Variants in LMO1 observed in about 807,000 individuals in gnomAD.
LMO1 encodes LIM domain only 1.
In LMO1, 10 loss-of-function variants were observed where a neutral mutation model predicts 18.0. The observed-to-expected ratio is 0.55, with a 90% CI of 0.34 to 0.94. The LOEUF (loss-of-function observed/expected upper bound fraction) is 0.94, where lower values mean the gene tolerates loss of function less well. Ranked by LOEUF, LMO1 falls within the 40% of genes least tolerant of loss-of-function variation. The pLI, the probability that LMO1 is intolerant of heterozygous loss-of-function variation, is 0.02. For synonymous variants in LMO1, 77 were observed against 77.9 expected (o/e 0.99, Z 0.06); for missense variants, 183 against 205.7 (o/e 0.89, Z 0.68).
intron 1 of LMO1, among the ~76,000 whole-genome samples, chr11:8,254,431 CA>C (rs905825042): frequency 6.6e-6 from 1 of 152,222 alleles, no homozygotes; most frequent in African/African-American, 2.4e-5. Flanking sequence ...GCCCACTTAC[CA>C]CCCCATTTTG....
At chr11:8,238,423 G>A (rs1205598259) in intron 1 of LMO1, among the ~76,000 whole-genome samples, 2 of 152,212 alleles carry the variant, frequency 1.3e-5, no homozygotes, top group African/African-American at 2.4e-5. Context: ...TGTAATCCCA[G>A]CACTTTGGGA....
In LMO1 at chr11:8,263,691, G is replaced by C; in HGVS notation, c.-329C>G. 2 of 1,198,212 alleles carry C rather than the reference G, an allele frequency of 1.7e-6. No homozygotes were observed. Among genetic ancestry groups the C allele is most frequent in the Non-Finnish European group, 2.1e-6 (2 of 956,006 alleles). 74.2% of individuals were successfully genotyped at this position (1,198,212 alleles called of 1,614,324 possible). On this transcript the variant is annotated 5_prime_UTR_variant, in exon 1 of 4. Coordinates refer to ENST00000335790, the MANE Select transcript of LMO1 (RefSeq NM_002315.3). Reference sequence around the variant, plus strand: ...TCTCACCTTCTAAATGGCTCAATTTGCCCAGTATAATCTGTCTTAATGTAA... The same window carrying C: ...TCTCACCTTCTAAATGGCTCAATTTCCCCAGTATAATCTGTCTTAATGTAA...
chr11:8,244,476 G>C (rs893683016), intron 1 of LMO1, among the ~76,000 whole-genome samples: 1 of 152,224 alleles, frequency 6.6e-6, no homozygotes, highest in African/African-American at 2.4e-5. Flanking sequence ...GTCTTTTTCA[G>C]TATAAATGAT....
chr11:8,260,333 C>T (rs922956307), intron 1 of LMO1, among the ~76,000 whole-genome samples: 7 of 152,164 alleles, frequency 4.6e-5, no homozygotes, highest in Admixed American at 2.6e-4. Flanking sequence ...GCTGTTTCTC[C>T]GGGAAAGTTG....
intron 1 of LMO1, among the ~76,000 whole-genome samples, chr11:8,250,356 A>G (rs372028): frequency 0.058 from 8,895 of 152,278 alleles, 522 homozygotes; most frequent in East Asian, 0.3. Context: ...AACCAATTTT[A>G]ATTTCTTCCT....
rs557137034 is a variant in LMO1 at position 8,263,435 on chromosome 11, G to T, written c.-73C>A. The T allele has an allele frequency of 1.2e-4, 182 of 1,578,452 alleles. No homozygotes were observed. In the African/African-American group the frequency reaches 1.7e-3, roughly 14 times the overall value. ...GCGCCGACTCGGGGCGCGCTTTGGAGGGGCGGCCGGTCTTCGGGCAGCTAG... is the reference window on the plus strand; with the variant it reads ...GCGCCGACTCGGGGCGCGCTTTGGATGGGCGGCCGGTCTTCGGGCAGCTAG... On this transcript the variant is annotated 5_prime_UTR_variant, in exon 1 of 4. Coordinates refer to ENST00000335790, the MANE Select transcript of LMO1 (RefSeq NM_002315.3).
chr11:8,263,284 C>G, intron 1 of LMO1, 54 bp downstream of exon 1: 2 of 1,566,732 alleles, frequency 1.3e-6, no homozygotes, highest in South Asian at 2.3e-5. Flanking sequence ...TGCCTGCGCG[C>G]CGCGGCAGGG....
At chr11:8,261,567 C>T (rs1323812196) in intron 1 of LMO1, among the ~76,000 whole-genome samples, 2 of 152,174 alleles carry the variant, frequency 1.3e-5, no homozygotes, top group African/African-American at 4.8e-5. Context: ...TGGCTTGGGC[C>T]TGGGGAGCCA....
intron 2 of LMO1, 48 bp from the exon 3 acceptor site, chr11:8,227,148 G>T: frequency 6.3e-7 from 1 of 1,582,760 alleles, no homozygotes; most frequent in Non-Finnish European, 8.6e-7. Context: ...TGGGAAGCTG[G>T]GTGGGCAGGG....
chr11:8,229,359 T>C (rs1416713038), intron 2 of LMO1, among the ~76,000 whole-genome samples: 1 of 152,168 alleles, frequency 6.6e-6, no homozygotes, highest in Non-Finnish European at 1.5e-5. Flanking sequence ...CTTCCACTGA[T>C]AACCTCCCCC....
At chr11:8,240,735 G>T (rs969827328) in intron 1 of LMO1, among the ~76,000 whole-genome samples, 1 of 151,870 alleles carries the variant, frequency 6.6e-6, no homozygotes, top group Non-Finnish European at 1.5e-5. Context: ...ACCCCCAAAC[G>T]GCCCCATCTC....
At position 8,248,699 on chromosome 11, in the gene LMO1, C is replaced by T. The variant is rs980036732; in HGVS notation, c.25+14639G>A. On this transcript the variant is annotated intron_variant, in intron 1 of 3. Transcript: ENST00000335790. Reference sequence around the variant, plus strand: ...ATCAGCAGCTTTCATGAAAGCCATTCGGGAGAAAGAACACTGGCCCAGAGT... The same window carrying T: ...ATCAGCAGCTTTCATGAAAGCCATTTGGGAGAAAGAACACTGGCCCAGAGT... Among the ~76,000 whole-genome samples the T allele has an allele frequency of 4.6e-5, 7 of 152,184 alleles. No individual in the cohort carries two copies. In the East Asian group the frequency reaches 9.6e-4, roughly 21 times the overall value.
chr11:8,245,600 A>G (rs770942248), intron 1 of LMO1, among the ~76,000 whole-genome samples: 8 of 152,200 alleles, frequency 5.3e-5, no homozygotes, highest in Non-Finnish European at 1.2e-4. Flanking sequence ...CAAAGTGCCA[A>G]TGAACCCCAG....
At chr11:8,233,588 A>C (rs1484987461) in intron 1 of LMO1, among the ~76,000 whole-genome samples, 1 of 152,116 alleles carries the variant, frequency 6.6e-6, no homozygotes, top group African/African-American at 2.4e-5. Context: ...CACTCCTGGA[A>C]AGGTGGAGGG....
At chr11:8,239,580 CA>C (rs1321776060) in intron 1 of LMO1, among the ~76,000 whole-genome samples, 1 of 151,798 alleles carries the variant, frequency 6.6e-6, no homozygotes, top group Non-Finnish European at 1.5e-5. Flanking sequence ...ACTCCAGACC[CA>C]GGGCTATAAT....
chr11:8,261,770 A>C (rs931788601), intron 1 of LMO1, among the ~76,000 whole-genome samples: 3 of 151,888 alleles, frequency 2.0e-5, no homozygotes, highest in Non-Finnish European at 2.9e-5. Context: ...GTCTGGCCCA[A>C]CCCCAGACCC....
intron 1 of LMO1, among the ~76,000 whole-genome samples, chr11:8,231,939 G>A (rs1258038270): frequency 6.6e-6 from 1 of 152,186 alleles, no homozygotes; most frequent in East Asian, 1.9e-4. Flanking sequence ...GGTCAGAAGA[G>A]CCCTCAGAGT....
In LMO1 at chr11:8,230,395, G is replaced by A. The variant is rs554845024; in HGVS notation, c.135C>T (p.His45=). The part of the protein sequence containing the change: ...YLLKALDKYW[H]EDCLKCACCD... ...AGCAGGCACACTTGAGGCAGTCTTC[G>A]TGCCAGTACTTGTCCAATGCCTTCA... The change falls in exon 2 of 4, where the codon CAC becomes CAT. Residue 45 remains histidine, a synonymous_variant. Coordinates refer to ENST00000335790, the MANE Select transcript of LMO1 (RefSeq NM_002315.3). The A allele has an allele frequency of 1.1e-5, 18 of 1,614,066 alleles. No individual in the cohort carries two copies. The highest frequency in any genetic ancestry group is 7.7e-5 in the South Asian group (7 of 91,088).
chr11:8,268,351 C>T, upstream of LMO1: 1 of 1,330,466 alleles, frequency 7.5e-7, no homozygotes, highest in Non-Finnish European at 1.0e-6. Flanking sequence ...GGGTGGACTC[C>T]GCAGGGCCAG....
Sources: allele counts gnomAD v4.1 joint callset (sites outside exome capture counted in the v4.1 genomes callset), GRCh38; gene constraint gnomAD v4.1.1; transcripts MANE v1.5; gene names NCBI Gene and HGNC (gene_info 2026-07-23, HGNC 2026-07-21).